The following CMIP variants were observed in gnomAD, a reference collection of about 807,000 sequenced individuals.
CMIP encodes C-Maf-inducing protein.
CMIP carries 13 observed loss-of-function variants against 97.3 expected under a neutral mutation model. That is an observed-to-expected ratio of 0.13 (90% CI 0.09 to 0.21). The LOEUF (loss-of-function observed/expected upper bound fraction) is 0.21. CMIP is among the 10% of genes least tolerant of loss of function. The probability of loss-of-function intolerance (pLI) is 1.00; values close to 1 mark genes in which losing one functional copy is unlikely to be tolerated. For missense variants in CMIP, 847 were observed against 1,024.9 expected (o/e 0.83, Z 2.37); for synonymous variants, 538 against 436.3 (o/e 1.23, Z -2.91).
chr16:81,507,955 G>C (rs1005788915), intron 1 of CMIP, among the ~76,000 whole-genome samples: 2 of 152,148 alleles, frequency 1.3e-5, no homozygotes, highest in Non-Finnish European at 2.9e-5. Context: ...GCCTTTCTTG[G>C]TTTATTTCCC....
At chr16:81,600,207 C>A (rs567434147) in intron 1 of CMIP, among the ~76,000 whole-genome samples, 2 of 133,456 alleles carry the variant, frequency 1.5e-5, no homozygotes, top group Non-Finnish European at 3.1e-5. Context: ...TGACGGGAGG[C>A]GGAGGTTGCA....
In CMIP at chr16:81,655,924, A is replaced by G. The variant is rs888091669; in HGVS notation, c.640-1851A>G. On this transcript the variant is annotated intron_variant, in intron 4 of 20. Transcript: ENST00000537098. This position sits in a 1 kb window ranked among gnomAD's most constrained non-coding sequence, Gnocchi z 4.9. ...CATGAGCAAAACAAAGCTCTTACAC[A>G]GTGCCTGAGGCATAGAGAGCTCAGC... Among the ~76,000 whole-genome samples the G allele has an allele frequency of 2.0e-5, 3 of 152,214 alleles. No individual in the cohort carries two copies. Among genetic ancestry groups the G allele is most frequent in the Admixed American group, 6.5e-5 (1 of 15,290 alleles).
At chr16:81,638,378 C>A (rs895129556) in intron 3 of CMIP, among the ~76,000 whole-genome samples, 48 of 152,138 alleles carry the variant, frequency 3.2e-4, no homozygotes, top group South Asian at 2.1e-4. Flanking sequence ...CACAGCCCTC[C>A]CCCCAGAGCA....
chr16:81,685,233 G>A (rs1056627333), intron 10 of CMIP, among the ~76,000 whole-genome samples: 7 of 152,174 alleles, frequency 4.6e-5, no homozygotes, highest in African/African-American at 7.2e-5. Flanking sequence ...CACCCCTCTC[G>A]GTCTTGTGGG....
At chr16:81,687,954 A>G (rs1905598223) in intron 10 of CMIP, among the ~76,000 whole-genome samples, 1 of 152,230 alleles carries the variant, frequency 6.6e-6, no homozygotes, top group Non-Finnish European at 1.5e-5. Flanking sequence ...GACTCAGCAC[A>G]CAGGGTCCTC....
chr16:81,454,177 C>T (rs1280175461), intron 1 of CMIP, among the ~76,000 whole-genome samples: 1 of 152,202 alleles, frequency 6.6e-6, no homozygotes, highest in Non-Finnish European at 1.5e-5. Flanking sequence ...AGAGATGGAC[C>T]TATATGTTCC....
intron 1 of CMIP, among the ~76,000 whole-genome samples, chr16:81,605,267 G>A (rs1472563671): frequency 6.6e-6 from 1 of 152,196 alleles, no homozygotes; most frequent in African/African-American, 2.4e-5. Context: ...GAACCTTCTT[G>A]GGTGACACAT....
intron 1 of CMIP, among the ~76,000 whole-genome samples, chr16:81,465,869 C>T (rs927154625): frequency 2.0e-5 from 3 of 152,228 alleles, no homozygotes; most frequent in African/African-American, 7.2e-5. Context: ...AGGTGCCCGG[C>T]TGAGGGCTGG....
intron 6 of CMIP, 120 bp downstream of exon 6, chr16:81,661,066 T>A: frequency 1.7e-6 from 2 of 1,212,046 alleles, no homozygotes; most frequent in Non-Finnish European, 2.4e-6. Flanking sequence ...TGGGTCACGG[T>A]CCCAGACACA....
intron 13 of CMIP, among the ~76,000 whole-genome samples, chr16:81,694,359 G>A (rs1057467010): frequency 1.3e-5 from 2 of 152,208 alleles, no homozygotes; most frequent in Non-Finnish European, 2.9e-5. Flanking sequence ...ATGAGCAGAG[G>A]ACAGGGGGAG....
intron 1 of CMIP, among the ~76,000 whole-genome samples, chr16:81,491,299 C>T (rs2089402045): frequency 6.6e-6 from 1 of 152,160 alleles, no homozygotes. Flanking sequence ...CTTTTGAGTC[C>T]CGTCTCTGTC....
At chr16:81,500,301 T>TCCTTCCTC (rs1200431349) in intron 1 of CMIP, among the ~76,000 whole-genome samples, 2 of 133,404 alleles carry the variant, frequency 1.5e-5, no homozygotes, top group Non-Finnish European at 3.1e-5. Context: ...CTTCCTTCCT[T>TCCTTCCTC]CCTGCCTCCC....
chr16:81,565,657 A>G (rs1339731670), intron 1 of CMIP, among the ~76,000 whole-genome samples: 2 of 152,158 alleles, frequency 1.3e-5, no homozygotes, highest in Non-Finnish European at 2.9e-5. Flanking sequence ...TAACCGTGGC[A>G]TCCTCATGGC....
intron 1 of CMIP, among the ~76,000 whole-genome samples, chr16:81,595,593 T>G (rs1597127912): frequency 6.6e-6 from 1 of 152,244 alleles, no homozygotes; most frequent in East Asian, 1.9e-4. Context: ...TTCACCATGT[T>G]GGCCAGGCTG....
intron 1 of CMIP, among the ~76,000 whole-genome samples, chr16:81,603,104 G>T (rs1326285257): frequency 6.6e-6 from 1 of 152,124 alleles, no homozygotes; most frequent in Non-Finnish European, 1.5e-5. Context: ...TTTTGAGAAG[G>T]AGTCTTGCTC....
chr16:81,549,845 T>C (rs6564886), intron 1 of CMIP, among the ~76,000 whole-genome samples: 132,336 of 152,192 alleles, frequency 0.87, 57,619 homozygotes, highest in Admixed American at 0.91. Context: ...TGTGTGTGCA[T>C]GCGCGCGTGC....
At chr16:81,660,754 G>A in intron 5 of CMIP, 130 bp from the exon 6 acceptor site, 2 of 938,306 alleles carry the variant, frequency 2.1e-6, no homozygotes, top group South Asian at 1.4e-5. Flanking sequence ...CTTTTAATAT[G>A]AATGATGTGA....
At chr16:81,475,715 G>A (rs114652814) in intron 1 of CMIP, among the ~76,000 whole-genome samples, 1 of 152,296 alleles carries the variant, frequency 6.6e-6, no homozygotes, top group East Asian at 1.9e-4. Context: ...GCTGGGTGTG[G>A]TGGCTCACTG....
intron 13 of CMIP, 89 bp downstream of exon 13, chr16:81,693,576 C>G (rs941567234): frequency 7.2e-7 from 1 of 1,397,178 alleles, no homozygotes; most frequent in African/African-American, 1.4e-5. Flanking sequence ...AAGCTTGTCA[C>G]CAACAGGCAT....
Sources: gnomAD v4.1 joint callset for allele counts (sites outside exome capture counted in the v4.1 genomes callset) on GRCh38, gnomAD v4.1.1 for gene constraint, Gnocchi (gnomAD v3.1) non-coding constraint, MANE v1.5 for transcripts, NCBI Gene and HGNC (gene_info 2026-07-23, HGNC 2026-07-21) for gene names.